Variants in COL6A6 observed in about 807,000 individuals in gnomAD.
COL6A6 encodes the protein collagen type VI alpha 6 chain, also known as collagen alpha-6(VI) chain.
In COL6A6, 183 loss-of-function variants were observed where a neutral mutation model predicts 208.6. That is an observed-to-expected ratio of 0.88 (90% confidence interval 0.78 to 0.99). COL6A6 has a LOEUF of 0.99. Among genes scored for constraint, COL6A6 ranks in the 50% least tolerant of loss-of-function variants. The pLI is 0.00. For missense variants in COL6A6, 2,816 were observed against 2,815.2 expected (o/e 1.00, Z -0.01); for synonymous variants, 973 against 1,011.8 (o/e 0.96, Z 0.73).
rs756772957 is a variant in COL6A6, at chr3:130,649,450, A to G, written c.5621A>G (p.Gln1874Arg). ...RKIATFFSSG[Q>R]SADAHSITTA... ...ATCGCCACATTTTTCAGCAGCGGTC[A>G]GTCCGCGGATGCCCACTCCATCACC... Residue 1874 changes from glutamine (Q) to arginine (R), a missense_variant, in exon 33 of 37, where the codon CAG (glutamine) becomes CGG (arginine). Coordinates refer to ENST00000358511, the MANE Select transcript of COL6A6 (RefSeq NM_001102608.3). 8 of 1,612,678 alleles carry G rather than the reference A, an allele frequency of 5.0e-6. No individual in the cohort carries two copies. The Admixed American group carries it at 5.0e-5, about 10-fold the overall frequency.
intron 4 of COL6A6, 23 bp from the exon 5 acceptor site, chr3:130,566,679 G>A (rs773017155): frequency 6.4e-7 from 1 of 1,554,892 alleles, no homozygotes; most frequent in Non-Finnish European, 8.7e-7. Context: ...AATGCCACAT[G>A]CAACTTATTG....
At chr3:130,557,217 C>A (rs947229627) in intron 1 of COL6A6, among the ~76,000 whole-genome samples, 2 of 152,228 alleles carry the variant, frequency 1.3e-5, no homozygotes, top group Admixed American at 6.5e-5. Flanking sequence ...GGCAAGTTCA[C>A]CTGCATGACC....
intron 1 of COL6A6, among the ~76,000 whole-genome samples, chr3:130,546,312 G>C (rs947698709): frequency 6.6e-6 from 1 of 151,866 alleles, no homozygotes; most frequent in East Asian, 1.9e-4. Flanking sequence ...CAGCTCTTAA[G>C]GTGGTGCGTC....
intron 27 of COL6A6, among the ~76,000 whole-genome samples, 166 bp downstream of exon 27, chr3:130,634,791 A>G (rs924709539): frequency 2.0e-5 from 3 of 152,220 alleles, no homozygotes; most frequent in Non-Finnish European, 4.4e-5. Flanking sequence ...AATTTTTAAG[A>G]TTATACATTT....
intron 8 of COL6A6, among the ~76,000 whole-genome samples, chr3:130,579,075 A>T (rs2063359943): frequency 1.3e-5 from 2 of 152,006 alleles, no homozygotes; most frequent in African/African-American, 4.8e-5. Flanking sequence ...TCCCAAACAG[A>T]TTTCTCTCCT....
At chr3:130,568,922 G>A (rs2063096085) in intron 6 of COL6A6, among the ~76,000 whole-genome samples, 1 of 152,188 alleles carries the variant, frequency 6.6e-6, no homozygotes, top group African/African-American at 2.4e-5. Flanking sequence ...GATTTATTGA[G>A]GAGGTATTTT....
chr3:130,563,272 T>C lies in COL6A6; in HGVS notation c.269T>C (p.Met90Thr), dbSNP rs2062936343. The C allele has an allele frequency of 2.5e-6, 4 of 1,613,914 alleles. No homozygotes were observed. Among genetic ancestry groups the C allele is most frequent in the Non-Finnish European group, 3.4e-6 (4 of 1,179,898 alleles). The change falls in exon 3 of 37, where the codon ATG becomes ACG. Residue 90 changes from methionine to threonine, a missense_variant. Met to Thr is a moderately conservative substitution (Grantham distance 81). Coordinates refer to ENST00000358511, the MANE Select transcript of COL6A6 (RefSeq NM_001102608.3). ...HLSTFKGRSPMLNHLRKNFGF... is the reference protein window; with the variant it reads ...HLSTFKGRSPTLNHLRKNFGF... ...AGCACCTTCAAAGGCAGGAGCCCCA[T>C]GCTGAACCACCTAAGGAAGAACTTT...
Position 130,568,449 on chromosome 3 carries a change from G to A in COL6A6, c.2246G>A (p.Gly749Asp), listed in dbSNP as rs373883247. The change falls in exon 6 of 37, where the codon GGT (glycine) becomes GAT (aspartate). Residue 749 changes from glycine (G) to aspartate (D), a missense_variant. Transcript: ENST00000358511. ...KEPAVVLRQEGVIIYSVGVFG... is the reference protein window; with the variant it reads ...KEPAVVLRQEDVIIYSVGVFG... ...CCAGCAGTAGTGCTTCGGCAAGAAG[G>A]TGTAATCATCTATTCTGTGGGAGTG... 1.4e-5 allele frequency: 22 copies of A among 1,613,832 alleles called. No individual in the cohort carries two copies. The African/African-American group carries it at 2.3e-4, about 17-fold the overall frequency.
At position 130,563,617 on chromosome 3, in the gene COL6A6, A is replaced by G. The variant is rs754144093; in HGVS notation, c.614A>G (p.Asp205Gly). Residue 205 changes from aspartate (D) to glycine (G), a missense_variant, in exon 3 of 37, where the codon GAT (aspartate) becomes GGT (glycine). Coordinates refer to ENST00000358511, the MANE Select transcript of COL6A6 (RefSeq NM_001102608.3). The part of the protein sequence containing the change: ...FSQNMTHIIK[D>G]VIKYKEGAVD... ...CAAAACATGACACACATCATCAAGGATGTAATAAAGTACAAGGAGGGAGCA... is the reference window on the plus strand; with the variant it reads ...CAAAACATGACACACATCATCAAGGGTGTAATAAAGTACAAGGAGGGAGCA... 1.2e-6 allele frequency: 2 copies of G among 1,613,980 alleles called. No homozygotes were observed. The highest frequency in any genetic ancestry group is 1.7e-6 in the Non-Finnish European group (2 of 1,179,852).
chr3:130,518,943 A>G (rs182379716), intron 1 of COL6A6, among the ~76,000 whole-genome samples: 7 of 152,344 alleles, frequency 4.6e-5, no homozygotes, highest in African/African-American at 1.4e-4. Flanking sequence ...TTAAGCATTC[A>G]TTGGAGAATC....
At chr3:130,598,545 C>A in intron 19 of COL6A6, 115 bp downstream of exon 19, 1 of 706,694 alleles carries the variant, frequency 1.4e-6, no homozygotes, top group Non-Finnish European at 2.4e-6. Flanking sequence ...ATACTTGGTA[C>A]AGAAAAACCA....
In COL6A6 at chr3:130,593,248, C is replaced by A. The variant is rs2108086112; in HGVS notation, c.4466C>A (p.Ser1489Tyr). 6.2e-7 allele frequency: 1 copy of A among 1,610,744 alleles called. No individual in the cohort carries two copies. Among genetic ancestry groups the A allele is most frequent in the East Asian group, 2.2e-5 (1 of 44,854 alleles). ...AAAGGAGAAAAGGGAGATGAGGGAT[C>A]TCAGGTAGGGATTTGAAAAGGAAGA... is the stretch of plus-strand genomic sequence containing the variant. ...GRKGEKGDEG[S>Y]QGSPGKRGTP... The change falls in exon 17 of 37, where the codon TCT (serine) becomes TAT (tyrosine). Residue 1489 changes from serine (S) to tyrosine (Y), a missense_variant. Ser to Tyr is a moderately radical substitution (Grantham distance 144). Coordinates refer to ENST00000358511, the MANE Select transcript of COL6A6 (RefSeq NM_001102608.3).
intron 22 of COL6A6, among the ~76,000 whole-genome samples, chr3:130,609,237 A>T (rs1300944041): frequency 6.6e-6 from 1 of 152,142 alleles, no homozygotes; most frequent in Non-Finnish European, 1.5e-5. Flanking sequence ...TTCCAGGGAG[A>T]GCTTGAGCCA....
In COL6A6 at chr3:130,645,955, C is replaced by T. The variant is rs370304247; in HGVS notation, c.5239+953C>T. On this transcript the variant is annotated intron_variant, in intron 32 of 36. Coordinates refer to ENST00000358511, the MANE Select transcript of COL6A6 (RefSeq NM_001102608.3). ...TATTTGTTGAAAGCCTAGTAAGTGC[C>T]AGTATGTGTAGTAGGCATTAGGGAT... Among the ~76,000 whole-genome samples, 9 of 152,228 alleles carry T rather than the reference C, an allele frequency of 5.9e-5. No individual in the cohort carries two copies. In the East Asian group the frequency reaches 1.7e-3, roughly 29 times the overall value.
At chr3:130,667,950 C>CA (rs2066116417) in intron 36 of COL6A6, among the ~76,000 whole-genome samples, 1 of 150,924 alleles carries the variant, frequency 6.6e-6, no homozygotes, top group African/African-American at 2.4e-5. Context: ...AATTAGCTAA[C>CA]TACCAAAAAT....
intron 20 of COL6A6, among the ~76,000 whole-genome samples, chr3:130,600,928 T>G (rs1175896066): frequency 6.6e-6 from 1 of 152,174 alleles, no homozygotes; most frequent in Non-Finnish European, 1.5e-5. Context: ...TCAGTCCTGG[T>G]ATAGGCATAT....
intron 21 of COL6A6, among the ~76,000 whole-genome samples, chr3:130,607,585 G>A (rs6768886): frequency 0.15 from 22,866 of 151,994 alleles, 2,635 homozygotes; most frequent in African/African-American, 0.32. Context: ...AAGATAAAAA[G>A]CATCTTAAAA....
chr3:130,619,471 A>G (rs1436158774), intron 23 of COL6A6, among the ~76,000 whole-genome samples: 2 of 152,242 alleles, frequency 1.3e-5, no homozygotes. Flanking sequence ...ATGAGGCTGC[A>G]GAGGCATGCA....
At chr3:130,616,552 GA>G (rs35307177) in intron 23 of COL6A6, among the ~76,000 whole-genome samples, 6,088 of 120,744 alleles carry the variant, frequency 0.05, 394 homozygotes, top group African/African-American at 0.18. Flanking sequence ...ATCAATGCCT[GA>G]AAAAAAAAAA....
Sources: gnomAD v4.1 joint callset for allele counts (sites outside exome capture counted in the v4.1 genomes callset) on GRCh38, gnomAD v4.1.1 for gene constraint, MANE v1.5 for transcripts, NCBI Gene and HGNC (gene_info 2026-07-23, HGNC 2026-07-21) for gene names.